ARHGEF9: variants seen among roughly 807,000 people sequenced by gnomAD.
ARHGEF9 encodes Cdc42 guanine nucleotide exchange factor 9, also known as rho guanine nucleotide exchange factor 9.
Under a neutral mutation model 41.3 loss-of-function variants are expected in ARHGEF9, and 2 were observed. That is an observed-to-expected ratio of 0.05 (90% CI 0.02 to 0.15). The LOEUF (loss-of-function observed/expected upper bound fraction) is 0.15, where lower values mean the gene tolerates loss of function less well. Among genes scored for constraint, ARHGEF9 ranks in the 10% least tolerant of loss-of-function variants. ARHGEF9 has a pLI of 1.00. For missense variants in ARHGEF9, 225 were observed against 424.7 expected, an observed-to-expected ratio of 0.53 and a Z score of 4.13; for synonymous variants, 160 against 154.4, an observed-to-expected ratio of 1.04 and a Z score of -0.27.
At chrX:63,674,493 A>T (rs2050138890) in intron 5 of ARHGEF9, among the ~76,000 whole-genome samples, 1 of 111,945 alleles carries the variant, frequency 8.9e-6, no homozygotes, top group African/African-American at 3.3e-5. Context: ...CGGCTGGCCG[A>T]GTTAGGTCAG....
intron 7 of ARHGEF9, among the ~76,000 whole-genome samples, chrX:63,659,772 C>T (rs1441484897): frequency 1.8e-5 from 2 of 111,484 alleles, no homozygotes; most frequent in Non-Finnish European, 3.8e-5. Context: ...GCAACAGTGA[C>T]CCCTTAAATA....
intron 2 of ARHGEF9, among the ~76,000 whole-genome samples, chrX:63,724,159 TAGAA>T (rs1186032686): frequency 9.2e-6 from 1 of 108,561 alleles, no homozygotes; most frequent in Non-Finnish European, 1.9e-5. Flanking sequence ...AGATGAGAAA[TAGAA>T]AGCAGAAAAA....
chrX:63,709,346 T>A (rs1556405206), intron 2 of ARHGEF9, among the ~76,000 whole-genome samples: 2 of 112,066 alleles, frequency 1.8e-5, no homozygotes, highest in African/African-American at 6.5e-5. Context: ...TTGGACCTAT[T>A]CTGTGCCTAA....
In ARHGEF9 at chrX:63,655,728, G is replaced by A. The variant is rs782786513; in HGVS notation, c.1087C>T (p.Arg363Trp). 5.0e-6 allele frequency: 6 copies of A among 1,206,468 alleles called. No homozygotes were observed. Among genetic ancestry groups the A allele is most frequent in the Non-Finnish European group, 3.4e-6 (3 of 894,648 alleles). Residue 363 changes from arginine (R) to tryptophan (W), a missense_variant, in exon 8 of 10, where the codon CGG becomes TGG. This residue lies in a region of ARHGEF9 where 36 missense variants were observed against 113.6 expected (regional missense o/e 0.32). Transcript: ENST00000671741. ...QMVLCKKDLIRRDILYYKGRI... is the reference protein window; with the variant it reads ...QMVLCKKDLIWRDILYYKGRI... The stretch of plus-strand genomic sequence containing the variant: ...CCTTTGTAGTACAGGATGTCTCTCC[G>A]GATTAGGTCCTAGATGGGAAGGAAG...
intron 5 of ARHGEF9, among the ~76,000 whole-genome samples, chrX:63,677,688 A>G (rs1378085290): frequency 9.0e-6 from 1 of 111,315 alleles, no homozygotes; most frequent in Admixed American, 9.5e-5. Context: ...TCAGGGACCT[A>G]GATGGCAAGA....
intron 1 of ARHGEF9, among the ~76,000 whole-genome samples, chrX:63,748,468 T>A (rs1368656343): frequency 4.5e-5 from 5 of 111,972 alleles, no homozygotes; most frequent in Middle Eastern, 4.6e-3. Context: ...GAAAAAATTT[T>A]AAAATCCACA....
chrX:63,670,305 C>T (rs1389841965), intron 6 of ARHGEF9: 2 of 111,679 alleles, frequency 1.8e-5, no homozygotes, highest in Admixed American at 1.9e-4. Context: ...TATGCCTCAT[C>T]AAGCCACTTT....
intron 1 of ARHGEF9, among the ~76,000 whole-genome samples, chrX:63,747,671 T>C (rs1341379632): frequency 3.6e-5 from 4 of 112,529 alleles, no homozygotes; most frequent in African/African-American, 1.3e-4. Flanking sequence ...GAATTGTTGT[T>C]ACTCTTAATA....
chrX:63,717,513 G>A (rs1216037002), intron 2 of ARHGEF9, among the ~76,000 whole-genome samples: 26 of 111,883 alleles, frequency 2.3e-4, no homozygotes, highest in African/African-American at 8.4e-4. Context: ...TCCAAATAAT[G>A]GCTAAAAGGT....
intron 1 of ARHGEF9, among the ~76,000 whole-genome samples, chrX:63,783,966 A>G: frequency 8.9e-6 from 1 of 111,906 alleles, no homozygotes; most frequent in Non-Finnish European, 1.9e-5. Context: ...AGATCTAACA[A>G]AACTCTGAGG....
chrX:63,722,829 C>G (rs2053718067), intron 2 of ARHGEF9: 1 of 111,605 alleles, frequency 9.0e-6, no homozygotes, highest in African/African-American at 3.3e-5. Flanking sequence ...CTTTTTCTGA[C>G]TATCCCTGGG....
chrX:63,773,942 A>G (rs1556456418), intron 1 of ARHGEF9, among the ~76,000 whole-genome samples: 1 of 110,517 alleles, frequency 9.0e-6, no homozygotes, highest in Non-Finnish European at 1.9e-5. Flanking sequence ...TCAGGCCTTC[A>G]TACTAGGGCT....
chrX:63,736,676 C>G (rs139078514), intron 1 of ARHGEF9, among the ~76,000 whole-genome samples: 1 of 111,885 alleles, frequency 8.9e-6, no homozygotes, highest in Non-Finnish European at 1.9e-5. Context: ...GATCATGTAC[C>G]TCTAATGTTA....
chrX:63,674,203 A>G (rs2147308922), intron 5 of ARHGEF9, 36 bp from the exon 6 acceptor site: 1 of 1,204,664 alleles, frequency 8.3e-7, no homozygotes, highest in East Asian at 3.0e-5. Flanking sequence ...GAACCAACCA[A>G]TGTGCCAAAG....
chrX:63,696,835 A>G (rs781955613), intron 4 of ARHGEF9, among the ~76,000 whole-genome samples: 31 of 111,532 alleles, frequency 2.8e-4, no homozygotes, highest in Non-Finnish European at 5.5e-4. Flanking sequence ...CATGCAATCA[A>G]CAACAGCCTT....
intron 3 of ARHGEF9, among the ~76,000 whole-genome samples, chrX:63,698,140 T>C (rs2051903215): frequency 9.4e-6 from 1 of 106,200 alleles, no homozygotes; most frequent in African/African-American, 3.4e-5. Flanking sequence ...TATAAATATA[T>C]CATATATATA....
intron 6 of ARHGEF9, 27 bp downstream of exon 6, chrX:63,674,011 C>T (rs1556358836): frequency 8.3e-7 from 1 of 1,209,769 alleles, no homozygotes; most frequent in Admixed American, 2.2e-5. Flanking sequence ...TCAGATTTCC[C>T]AATACCCTGG....
At chrX:63,760,017 G>T (rs1207288631) in intron 1 of ARHGEF9, among the ~76,000 whole-genome samples, 1 of 111,009 alleles carries the variant, frequency 9.0e-6, no homozygotes, top group East Asian at 2.8e-4. Flanking sequence ...AACTGTTTCA[G>T]TGTCTTCATC....
intron 2 of ARHGEF9, among the ~76,000 whole-genome samples, chrX:63,717,887 C>A (rs1331371602): frequency 9.0e-6 from 1 of 111,477 alleles, no homozygotes; most frequent in Non-Finnish European, 1.9e-5. Flanking sequence ...GATTCTAATC[C>A]AGAAAGATTA....
Sources: gnomAD v4.1 joint callset for allele counts (sites outside exome capture counted in the v4.1 genomes callset) on GRCh38, gnomAD v4.1.1 for gene constraint, gnomAD v4.1.1 regional missense constraint, MANE v1.5 for transcripts, NCBI Gene and HGNC (gene_info 2026-07-23, HGNC 2026-07-21) for gene names.